The following NFATC4 variants were observed in gnomAD, a reference collection of about 807,000 sequenced individuals.
NFATC4 encodes the protein nuclear factor of activated T-cells, cytoplasmic 4.
NFATC4 carries 25 observed loss-of-function variants against 73.4 expected under a neutral mutation model. That is an observed-to-expected ratio of 0.34 (90% CI 0.25 to 0.48). The LOEUF is 0.48. Ranked by LOEUF, NFATC4 falls within the 20% of genes least tolerant of loss-of-function variation. NFATC4 has a pLI of 0.99. For synonymous variants in NFATC4, 523 were observed against 510.3 expected, an observed-to-expected ratio of 1.02 and a Z score of -0.34; for missense variants, 1,130 against 1,203.7, an observed-to-expected ratio of 0.94 and a Z score of 0.91.
Position 24,369,673 on chromosome 14 carries a change from C to T in NFATC4, c.275C>T (p.Ser92Leu), listed in dbSNP as rs766927800. ...PGTWESQPARSVRLGGPGGGA... is the reference protein window; with the variant it reads ...PGTWESQPARLVRLGGPGGGA... ...ACCTGGGAGAGCCAGCCCGCCAGGTCGGTGAGGCTGGGAGGACCAGGAGGG... is the reference window on the plus strand; with the variant it reads ...ACCTGGGAGAGCCAGCCCGCCAGGTTGGTGAGGCTGGGAGGACCAGGAGGG... Residue 92 changes from serine to leucine, a missense_variant, in exon 2 of 10, where the codon TCG becomes TTG. Transcript: ENST00000250373. The T allele has an allele frequency of 1.2e-5, 20 of 1,612,730 alleles. No homozygotes were observed. Among genetic ancestry groups the T allele is most frequent in the East Asian group, 2.2e-5 (1 of 44,884 alleles).
chr14:24,374,643 A>G, intron 6 of NFATC4, 177 bp downstream of exon 6: 1 of 575,828 alleles, frequency 1.7e-6, no homozygotes, highest in South Asian at 2.5e-5. Flanking sequence ...GATGGGTATG[A>G]CAGCAATCTA....
intron 1 of NFATC4, chr14:24,369,128 T>A: frequency 7.0e-7 from 1 of 1,435,806 alleles, no homozygotes; most frequent in Non-Finnish European, 9.1e-7. Context: ...GTTTGGGGGT[T>A]TGGGAACCGC....
At chr14:24,371,694 CTCTT>C (rs1204356821) in intron 2 of NFATC4, 1 of 152,696 alleles carries the variant, frequency 6.5e-6, no homozygotes, top group African/African-American at 2.4e-5. Flanking sequence ...TTCTCTCTCT[CTCTT>C]TTTTTTTTCT....
intron 6 of NFATC4, 52 bp from the exon 7 acceptor site, chr14:24,375,608 A>G (rs2042590963): frequency 1.9e-6 from 3 of 1,542,786 alleles, no homozygotes; most frequent in African/African-American, 1.4e-5. Context: ...GAACTAGGGC[A>G]GGGGACAGGG....
In NFATC4 at chr14:24,377,857, C is replaced by T. The variant is rs56006071; in HGVS notation, c.*152C>T. ...TCTGTCTCACTGTCTTCCCTCCCCT[C>T]CCCCAGCTGAGGTGTGGCCCTCAGG... is the stretch of plus-strand genomic sequence containing the variant. On this transcript the variant is annotated 3_prime_UTR_variant, in exon 10 of 10. Coordinates refer to ENST00000250373, the MANE Select transcript of NFATC4 (RefSeq NM_004554.5). This position sits in a 1 kb window ranked among gnomAD's most constrained non-coding sequence, Gnocchi z 4.2. 7.0e-7 allele frequency: 1 copy of T among 1,438,216 alleles called. No homozygotes were observed. Among genetic ancestry groups the T allele is most frequent in the African/African-American group, 1.4e-5 (1 of 71,010 alleles). The allele number at this position is 1,438,216 out of a possible 1,614,324, so 89.1% of individuals were successfully genotyped here.
In NFATC4 at chr14:24,378,478, A is replaced by T. The variant is rs1338007416; in HGVS notation, c.*773A>T. On this transcript the variant is annotated 3_prime_UTR_variant, in exon 10 of 10. Transcript: ENST00000250373. ...AAGGGGCTTGCCTGAGGTCACGTAG[A>T]TAATCAGCAGCACATTGAACGCTGC... The T allele has an allele frequency of 6.5e-6, 1 of 152,780 alleles. No homozygotes were observed. Among genetic ancestry groups the T allele is most frequent in the Non-Finnish European group, 1.5e-5 (1 of 68,164 alleles). The allele number at this position is 152,780 out of a possible 1,614,324, so 9.5% of individuals were successfully genotyped here.
intron 6 of NFATC4, among the ~76,000 whole-genome samples, chr14:24,375,244 T>C (rs926687334): frequency 2.6e-5 from 4 of 152,138 alleles, no homozygotes; most frequent in African/African-American, 9.7e-5. Flanking sequence ...CCTGGGACCA[T>C]GTCAGAGCTT....
chr14:24,372,485 A>T lies in NFATC4; in HGVS notation c.1241A>T (p.Tyr414Phe). The change falls in exon 3 of 10, where the codon TAT becomes TTT. Residue 414 changes from tyrosine to phenylalanine, a missense_variant. Transcript: ENST00000250373. The stretch of plus-strand genomic sequence containing the variant: ...CTGGACTGGCCTCTGCCCAGCCAAT[A>T]TGAGCAGCTGGAGCTGAGGATCGAG... ...PPLDWPLPSQ[Y>F]EQLELRIEVQ... 1 of 1,613,978 alleles carries T rather than the reference A, an allele frequency of 6.2e-7. No homozygotes were observed. Among genetic ancestry groups the T allele is most frequent in the Non-Finnish European group, 8.5e-7 (1 of 1,180,032 alleles).
In NFATC4 at chr14:24,375,980, G is replaced by A. The variant is rs75665775; in HGVS notation, c.1935G>A (p.Thr645=). Residue 645 remains threonine (T), a synonymous_variant, in exon 8 of 10, where the codon ACG becomes ACA. Transcript: ENST00000250373. The part of the protein sequence containing the change: ...TVNRLQSNEV[T]LTLTVPEYSN... ...TCATTTTTACTCTTCCCTAGGTGAC[G>A]CTGACCCTGACTGTCCCCGAGTACA... 1,906 of 1,613,928 alleles carry A rather than the reference G, an allele frequency of 1.2e-3. 23 individuals carry two copies. The African/African-American group carries it at 0.023, about 19-fold the overall frequency.
At chr14:24,367,603 C>A, upstream of NFATC4, 1 of 1,536,164 alleles carries the variant, frequency 6.5e-7, no homozygotes, top group South Asian at 1.2e-5. Context: ...GATGGAGGCG[C>A]TGATTCGGCA....
At chr14:24,368,548 A>T (rs967247139) in intron 1 of NFATC4, 108 bp downstream of exon 1, 2 of 1,007,562 alleles carry the variant, frequency 2.0e-6, no homozygotes, top group Non-Finnish European at 2.4e-6. Flanking sequence ...TGAGGGAGTC[A>T]GAGGTCGAAG....
Position 24,370,115 on chromosome 14 carries a change from A to G in NFATC4, c.717A>G (p.Gly239=). 6.2e-7 allele frequency: 1 copy of G among 1,603,866 alleles called. No individual in the cohort carries two copies. The highest frequency in any genetic ancestry group is 1.7e-4 in the Middle Eastern group (1 of 6,060). Residue 239 remains glycine, a synonymous_variant, in exon 2 of 10, where the codon GGA becomes GGG. Coordinates refer to ENST00000250373, the MANE Select transcript of NFATC4 (RefSeq NM_004554.5). ...GGAGCCTGTATGGTCCAAGCCCCGG[A>G]GGCCGAGGGCCAGAGGATAGCTGGC... The part of the protein sequence containing the change: ...DPWSLYGPSP[G]GRGPEDSWLL...
At chr14:24,369,377 G>A in intron 1 of NFATC4, 122 bp from the exon 2 acceptor site, 1 of 1,600,840 alleles carries the variant, frequency 6.2e-7, no homozygotes. Context: ...GGCTCAGAAG[G>A]TCTCTTTGCT....
chr14:24,376,132 A>C lies in NFATC4; in HGVS notation c.2056+31A>C. 10 of 1,613,646 alleles carry C rather than the reference A, an allele frequency of 6.2e-6. No individual in the cohort carries two copies. The highest frequency in any genetic ancestry group is 1.3e-5 in the African/African-American group (1 of 75,004). On this transcript the variant is annotated intron_variant, in intron 8 of 9. Coordinates refer to ENST00000250373, the MANE Select transcript of NFATC4 (RefSeq NM_004554.5). The surrounding 1 kb of genome is among the most constrained non-coding windows in gnomAD (Gnocchi z 5.0). ...CTCTGGGACAGCCCATGGTGGGGGTATAGGGATATGGGGAGCTGGAGCAGG... is the reference window on the plus strand; with the variant it reads ...CTCTGGGACAGCCCATGGTGGGGGTCTAGGGATATGGGGAGCTGGAGCAGG...
intron 1 of NFATC4, chr14:24,369,248 T>C: frequency 6.5e-7 from 1 of 1,538,234 alleles, no homozygotes; most frequent in Admixed American, 2.0e-5. Flanking sequence ...CTCTCTCACC[T>C]TAAGACCCAC....
chr14:24,375,452 G>A (rs1390526489), intron 6 of NFATC4, among the ~76,000 whole-genome samples: 4 of 152,122 alleles, frequency 2.6e-5, no homozygotes, highest in African/African-American at 9.7e-5. Flanking sequence ...CTTGGTCTCA[G>A]TTTGCTTCCC....
chr14:24,372,642 T>C, intron 3 of NFATC4, 39 bp downstream of exon 3: 1 of 1,612,166 alleles, frequency 6.2e-7, no homozygotes, highest in Non-Finnish European at 8.5e-7. Flanking sequence ...CTCTCTCCTC[T>C]CCCAGATAGG....
intron 1 of NFATC4, chr14:24,369,046 G>C (rs1195606854): frequency 2.3e-6 from 3 of 1,321,762 alleles, no homozygotes; most frequent in Non-Finnish European, 1.9e-6. Flanking sequence ...ACCTCCCCTC[G>C]TCACCACAGC....
intron 7 of NFATC4, 65 bp downstream of exon 7, chr14:24,375,780 G>T: frequency 6.4e-7 from 1 of 1,560,166 alleles, no homozygotes; most frequent in South Asian, 1.1e-5. Flanking sequence ...ATTCTCAGCT[G>T]GGTCCTCTTG....
Sources: allele counts gnomAD v4.1 joint callset (sites outside exome capture counted in the v4.1 genomes callset), GRCh38; gene constraint gnomAD v4.1.1; non-coding constraint Gnocchi (gnomAD v3.1); transcripts MANE v1.5; gene names NCBI Gene and HGNC (gene_info 2026-07-23, HGNC 2026-07-21).